The following NPC1 variants were observed in gnomAD, a reference collection of about 807,000 sequenced individuals.
The protein encoded by NPC1 is Niemann-Pick C1 protein.
A neutral mutation model predicts 140.4 loss-of-function variants in NPC1; 85 were observed. The ratio of observed to expected loss-of-function variants is 0.61; its 90% CI spans 0.51 to 0.72. The LOEUF (loss-of-function observed/expected upper bound fraction) is 0.72, where lower values mean the gene tolerates loss of function less well. NPC1 is among the 30% of genes least tolerant of loss of function. The pLI, the probability that NPC1 is intolerant of heterozygous loss-of-function variation, is 0.00. For missense variants in NPC1, 1,504 were observed against 1,623.8 expected, an observed-to-expected ratio of 0.93 and a Z score of 1.27; for synonymous variants, 656 against 624.8, an observed-to-expected ratio of 1.05 and a Z score of -0.74.
At chr18:23,533,773 TGG>T in intron 23 of NPC1, 1 of 486,414 alleles carries the variant, frequency 2.1e-6, no homozygotes, top group African/African-American at 1.9e-5. Flanking sequence ...CCCAAAGTGC[TGG>T]GGTTATAGGC....
At chr18:23,555,104 T>C in intron 8 of NPC1, 120 bp from the exon 9 acceptor site, 1 of 739,386 alleles carries the variant, frequency 1.4e-6, no homozygotes, top group South Asian at 1.5e-5. Flanking sequence ...AAATACTTCC[T>C]AAGATGAGGG....
At chr18:23,533,049 C>T (rs1324994719) in intron 24 of NPC1, 1 of 620,954 alleles carries the variant, frequency 1.6e-6, no homozygotes, top group East Asian at 1.4e-4. Context: ...ATCTCAGTGG[C>T]AGGGAGGAGC....
chr18:23,577,506 C>T (rs1418472926), intron 1 of NPC1, among the ~76,000 whole-genome samples: 1 of 152,038 alleles, frequency 6.6e-6, no homozygotes, highest in African/African-American at 2.4e-5. Flanking sequence ...ATTTACAATC[C>T]CTGAGCTAGA....
intron 20 of NPC1, among the ~76,000 whole-genome samples, chr18:23,537,593 T>C (rs1164007344): frequency 6.6e-6 from 1 of 152,214 alleles, no homozygotes; most frequent in Non-Finnish European, 1.5e-5. Flanking sequence ...TCTCCTCTTC[T>C]GTAAATGGGT....
chr18:23,568,101 T>C (rs1227457721), intron 4 of NPC1, among the ~76,000 whole-genome samples: 1 of 152,166 alleles, frequency 6.6e-6, no homozygotes, highest in Non-Finnish European at 1.5e-5. Flanking sequence ...TAGATAAATA[T>C]AATCTATTTT....
At chr18:23,523,358 C>G (rs1005618896) in intron 1 of NPC1, among the ~76,000 whole-genome samples, 22 of 151,956 alleles carry the variant, frequency 1.4e-4, no homozygotes. Context: ...GTCTGCTTCC[C>G]AGACGAGCTC....
chr18:23,541,543 G>A (rs375453120), intron 14 of NPC1, 110 bp from the exon 15 acceptor site: 266 of 1,347,692 alleles, frequency 2.0e-4, no homozygotes, highest in Non-Finnish European at 2.6e-4. Context: ...CAGGCCAAAC[G>A]CATGAGAAGG....
chr18:23,533,610 G>C, intron 23 of NPC1, 93 bp from the exon 24 acceptor site: 1 of 1,247,714 alleles, frequency 8.0e-7, no homozygotes, highest in Non-Finnish European at 1.2e-6. Context: ...AGGTTCAAGT[G>C]ATTCTCCTGC....
chr18:23,565,613 C>T (rs2059113162), intron 4 of NPC1, among the ~76,000 whole-genome samples: 1 of 152,196 alleles, frequency 6.6e-6, no homozygotes, highest in Admixed American at 6.5e-5. Flanking sequence ...CTCGGCCTTC[C>T]AAAGTGCTTG....
In NPC1 at chr18:23,586,381, C is replaced by T; in HGVS notation, c.-38G>A. On this transcript the variant is annotated 5_prime_UTR_variant, in exon 1 of 25. Coordinates refer to ENST00000269228, the MANE Select transcript of NPC1 (RefSeq NM_000271.5). ...CAAGGCTGCTGACGCCGGCGGCGTT[C>T]GGCTGGTTGGGCTCCCCGGAGGCGG... The T allele has an allele frequency of 6.5e-7, 1 of 1,530,838 alleles. No homozygotes were observed. Among genetic ancestry groups the T allele is most frequent in the Non-Finnish European group, 8.7e-7 (1 of 1,145,080 alleles). The allele number at this position is 1,530,838 out of a possible 1,614,324, so 94.8% of individuals were successfully genotyped here.
At chr18:23,546,507 T>C (rs777415618) in intron 11 of NPC1, among the ~76,000 whole-genome samples, 1 of 152,188 alleles carries the variant, frequency 6.6e-6, no homozygotes, top group Non-Finnish European at 1.5e-5. Context: ...TCAGCAATTC[T>C]ACTACTAGGT....
intron 1 of NPC1, chr18:23,524,126 G>A: frequency 6.2e-7 from 1 of 1,614,102 alleles, no homozygotes. Flanking sequence ...TTCTCAATTT[G>A]TAGGTCCTGC....
intron 4 of NPC1, among the ~76,000 whole-genome samples, chr18:23,563,082 T>C (rs1386628824): frequency 6.6e-6 from 1 of 152,204 alleles, no homozygotes; most frequent in African/African-American, 2.4e-5. Context: ...TGTCTCTATT[T>C]ATCTGACTAT....
At chr18:23,542,993 T>G (rs1175393932) in intron 14 of NPC1, among the ~76,000 whole-genome samples, 1 of 152,080 alleles carries the variant, frequency 6.6e-6, no homozygotes, top group Admixed American at 6.6e-5. Context: ...TTTTCTGTGG[T>G]CCAGTGATAC....
At chr18:23,527,983 G>C, downstream of NPC1, 1 of 1,167,044 alleles carries the variant, frequency 8.6e-7, no homozygotes, top group Non-Finnish European at 1.2e-6. Context: ...ATGCAAAATT[G>C]TTTCCTATAT....
At chr18:23,513,108 C>T (rs1486101026) in intron 3 of NPC1, among the ~76,000 whole-genome samples, 2 of 152,070 alleles carry the variant, frequency 1.3e-5, no homozygotes, top group African/African-American at 2.4e-5. Context: ...TGTGCGCCAC[C>T]ACGCCTGGCT....
chr18:23,527,510 C>T (rs1187356712), downstream of NPC1, among the ~76,000 whole-genome samples: 3 of 149,864 alleles, frequency 2.0e-5, no homozygotes, highest in Non-Finnish European at 3.0e-5. Flanking sequence ...AAACTCCCAG[C>T]GTTAAGTGAT....
At chr18:23,547,255 AAC>A (rs1338575077) in intron 11 of NPC1, among the ~76,000 whole-genome samples, 1 of 152,200 alleles carries the variant, frequency 6.6e-6, no homozygotes, top group Non-Finnish European at 1.5e-5. Flanking sequence ...AGAGGTCACA[AAC>A]ACAGTTAATT....
intron 1 of NPC1, chr18:23,522,959 CTTTT>C (rs1451100707): frequency 6.6e-6 from 1 of 152,214 alleles, no homozygotes; most frequent in Non-Finnish European, 1.5e-5. Context: ...CACCCTTTTT[CTTTT>C]TGTTTTGGGC....
Sources: gnomAD v4.1 joint callset for allele counts (sites outside exome capture counted in the v4.1 genomes callset) on GRCh38, gnomAD v4.1.1 for gene constraint, MANE v1.5 for transcripts, NCBI Gene and HGNC (gene_info 2026-07-23, HGNC 2026-07-21) for gene names.